Variants in GPT2 observed in about 807,000 individuals in gnomAD.
GPT2 encodes the protein alanine aminotransferase 2.
GPT2 carries 30 observed loss-of-function variants against 56.9 expected under a neutral mutation model. The ratio of observed to expected loss-of-function variants is 0.53; its 90% CI spans 0.39 to 0.72. The LOEUF is 0.72. GPT2 is among the 30% of genes least tolerant of loss of function. The pLI is 0.00. For missense variants in GPT2, 542 were observed against 703.4 expected, an observed-to-expected ratio of 0.77 and a Z score of 2.60; for synonymous variants, 271 against 283.1, an observed-to-expected ratio of 0.96 and a Z score of 0.43.
At chr16:46,926,045 C>T (rs1015018121) in intron 10 of GPT2, among the ~76,000 whole-genome samples, 38 of 145,576 alleles carry the variant, frequency 2.6e-4, no homozygotes, top group African/African-American at 7.9e-4. Flanking sequence ...CAGGGAGAAT[C>T]GCTTAAACCC....
rs540513642 is a variant in GPT2 at position 46,891,076 on chromosome 16, T to C, written c.243+6118T>C. ...TTAGTAGAGATGGGGTTTCTCCATGTTAGTCAGGCGGGTCTCGACCTCCCA... is the reference window on the plus strand; with the variant it reads ...TTAGTAGAGATGGGGTTTCTCCATGCTAGTCAGGCGGGTCTCGACCTCCCA... On this transcript the variant is annotated intron_variant, in intron 2 of 11. Coordinates refer to ENST00000340124, the MANE Select transcript of GPT2 (RefSeq NM_133443.4). Among the ~76,000 whole-genome samples the C allele has an allele frequency of 1.3e-3, 192 of 152,132 alleles. 1 individual carries two copies. Among genetic ancestry groups the C allele is most frequent in the African/African-American group, 4.5e-3 (185 of 41,490 alleles).
At chr16:46,907,404 G>T (rs1259029808) in intron 5 of GPT2, among the ~76,000 whole-genome samples, 1 of 152,240 alleles carries the variant, frequency 6.6e-6, no homozygotes, top group African/African-American at 2.4e-5. Flanking sequence ...TTTCTCTTCT[G>T]CAGTAGAGAA....
At chr16:46,901,288 A>AC (rs1380823605) in intron 4 of GPT2, among the ~76,000 whole-genome samples, 3 of 151,810 alleles carry the variant, frequency 2.0e-5, no homozygotes, top group Non-Finnish European at 2.9e-5. Flanking sequence ...TGGTGCCAGT[A>AC]CCCCCTGGTA....
At chr16:46,911,565 G>A (rs1350119226) in intron 6 of GPT2, among the ~76,000 whole-genome samples, 4 of 152,122 alleles carry the variant, frequency 2.6e-5, no homozygotes, top group African/African-American at 9.7e-5. Context: ...AATCACAAAG[G>A]GAACTTTGAA....
chr16:46,917,660 C>G (rs766056106), intron 7 of GPT2, among the ~76,000 whole-genome samples: 7 of 152,202 alleles, frequency 4.6e-5, no homozygotes, highest in South Asian at 2.1e-4. Flanking sequence ...GTCACCCCCC[C>G]ACACATGCCA....
chr16:46,884,977 C>T lies in GPT2; in HGVS notation c.243+19C>T. 3 of 1,466,076 alleles carry T rather than the reference C, an allele frequency of 2.0e-6. No homozygotes were observed. Among genetic ancestry groups the T allele is most frequent in the Non-Finnish European group, 2.7e-6 (3 of 1,100,964 alleles). The allele number at this position is 1,466,076 out of a possible 1,614,324, so 90.8% of individuals were successfully genotyped here. ...GCAGCGGGTGAGCGCGCGCTGGGCC[C>T]CGGGGAGGCTGGGGCCGCTGAGCAA... On this transcript the variant is annotated intron_variant, in intron 2 of 11. Coordinates refer to ENST00000340124, the MANE Select transcript of GPT2 (RefSeq NM_133443.4).
intron 2 of GPT2, among the ~76,000 whole-genome samples, chr16:46,887,510 G>A (rs1960506687): frequency 6.6e-6 from 1 of 152,172 alleles, no homozygotes; most frequent in South Asian, 2.1e-4. Context: ...GATGGGCTAG[G>A]ATTTGTAGGG....
chr16:46,909,990 T>C, intron 6 of GPT2, 63 bp downstream of exon 6: 1 of 1,510,142 alleles, frequency 6.6e-7, no homozygotes, highest in Non-Finnish European at 8.9e-7. Flanking sequence ...ACTGGCTGTC[T>C]AGAAACCAGA....
rs904256460 is a variant in GPT2, at chr16:46,906,132, G to A, written c.443-710G>A. 2.6e-5 allele frequency among the ~76,000 whole-genome samples: 4 copies of A among 152,108 alleles called. No homozygotes were observed. The East Asian group carries it at 7.7e-4, about 29-fold the overall frequency. On this transcript the variant is annotated intron_variant, in intron 4 of 11. Coordinates refer to ENST00000340124, the MANE Select transcript of GPT2 (RefSeq NM_133443.4). ...GTTTCACTCCAGGCTGGAGTGCAGTGGTGTCATCATAGCTCACCGCAGCCT... is the reference window on the plus strand; with the variant it reads ...GTTTCACTCCAGGCTGGAGTGCAGTAGTGTCATCATAGCTCACCGCAGCCT...
At chr16:46,928,509 G>A (rs1044829479) in intron 11 of GPT2, among the ~76,000 whole-genome samples, 4 of 151,944 alleles carry the variant, frequency 2.6e-5, no homozygotes, top group African/African-American at 9.7e-5. Flanking sequence ...TGTAATCCCA[G>A]CTACTCGGGA....
chr16:46,904,951 T>C (rs943587881), intron 4 of GPT2, among the ~76,000 whole-genome samples: 16 of 152,270 alleles, frequency 1.1e-4, no homozygotes, highest in Admixed American at 8.5e-4. Flanking sequence ...AGTTAACGTT[T>C]GCCAGTTGGC....
chr16:46,915,475 C>T (rs1961131061), intron 6 of GPT2: 1 of 147,894 alleles, frequency 6.8e-6, no homozygotes, highest in African/African-American at 2.5e-5. Context: ...CACACCTGCA[C>T]ACACATTACA....
rs142408289 is a variant in GPT2, at chr16:46,891,213, A to G, written c.243+6255A>G. On this transcript the variant is annotated intron_variant, in intron 2 of 11. Coordinates refer to ENST00000340124, the MANE Select transcript of GPT2 (RefSeq NM_133443.4). The stretch of plus-strand genomic sequence containing the variant: ...ATTAATTATAGTCACCATGCTGTAC[A>G]TTAGATCCCCATAACTTATTCATAT... 6.4e-3 allele frequency among the ~76,000 whole-genome samples: 973 copies of G among 152,054 alleles called. 11 individuals are homozygous for G. The highest frequency in any genetic ancestry group is 8.4e-3 in the Non-Finnish European group (573 of 67,976).
intron 7 of GPT2, among the ~76,000 whole-genome samples, 157 bp from the exon 8 acceptor site, chr16:46,918,463 TC>T (rs1470395919): frequency 6.6e-6 from 1 of 152,152 alleles, no homozygotes; most frequent in African/African-American, 2.4e-5. Context: ...TCCAGAAAGT[TC>T]CTTCAGGCAC....
At chr16:46,902,361 C>T (rs140905349) in intron 4 of GPT2, among the ~76,000 whole-genome samples, 5 of 152,246 alleles carry the variant, frequency 3.3e-5, no homozygotes, top group Admixed American at 2.0e-4. Context: ...CCCACCTCCT[C>T]GGCTTGCAAG....
intron 3 of GPT2, among the ~76,000 whole-genome samples, chr16:46,898,941 CACACACATATATGTGTATATATAT>C (rs1386539089): frequency 2.1e-4 from 8 of 38,246 alleles, no homozygotes; most frequent in African/African-American, 4.3e-4. Flanking sequence ...TATATATATA[CACACACATATATGTGTATATATAT>C]ACACACACAC....
intron 6 of GPT2, among the ~76,000 whole-genome samples, chr16:46,911,909 A>G (rs1226394424): frequency 6.6e-6 from 1 of 152,244 alleles, no homozygotes; most frequent in African/African-American, 2.4e-5. Context: ...AAGTCATTGT[A>G]CCAGAGAAGT....
At position 46,924,474 on chromosome 16, in the gene GPT2, A is replaced by G. The variant is rs375695315; in HGVS notation, c.1298A>G (p.Asn433Ser). Residue 433 changes from asparagine to serine, a missense_variant, in exon 10 of 12, where the codon AAC becomes AGC. Transcript: ENST00000340124. ...LFNQVPGIHC[N>S]PLQGAMYAFP... The stretch of plus-strand genomic sequence containing the variant: ...AACCAAGTCCCAGGAATTCACTGCA[A>G]CCCCTTGCAGGGGGCCATGTACGCC... The G allele has an allele frequency of 2.5e-6, 4 of 1,614,122 alleles. No individual in the cohort carries two copies. The South Asian group carries it at 3.3e-5, about 13-fold the overall frequency.
At chr16:46,902,457 G>A (rs1960837819) in intron 4 of GPT2, among the ~76,000 whole-genome samples, 1 of 152,170 alleles carries the variant, frequency 6.6e-6, no homozygotes, top group East Asian at 1.9e-4. Flanking sequence ...TCCTTCGCGT[G>A]ACAGGGACAT....
Sources: allele counts gnomAD v4.1 joint callset (sites outside exome capture counted in the v4.1 genomes callset), GRCh38; gene constraint gnomAD v4.1.1; transcripts MANE v1.5; gene names NCBI Gene and HGNC (gene_info 2026-07-23, HGNC 2026-07-21).